The following TERT variants were observed in gnomAD, a reference collection of about 807,000 sequenced individuals.
TERT encodes telomerase catalytic subunit.
In TERT, 42 loss-of-function variants were observed where a neutral mutation model predicts 104.0. That is an observed-to-expected ratio of 0.40 (90% CI 0.32 to 0.52). The LOEUF (loss-of-function observed/expected upper bound fraction) is 0.52, where lower values mean the gene tolerates loss of function less well. TERT is among the 20% of genes least tolerant of loss of function. The probability of loss-of-function intolerance (pLI) is 0.43; values close to 1 mark genes in which losing one functional copy is unlikely to be tolerated. For missense variants in TERT, 1,101 were observed against 1,610.3 expected (o/e 0.68, Z 5.41); for synonymous variants, 781 against 725.6 (o/e 1.08, Z -1.23).
chr5:1,276,376 T>C, intron 6 of TERT, among the ~76,000 whole-genome samples: 1 of 113,020 alleles, frequency 8.8e-6, no homozygotes, highest in African/African-American at 3.7e-5. Flanking sequence ...AATTCACAGA[T>C]CCCCACCTAC....
rs184232586 is a variant in TERT at position 1,287,577 on chromosome 5, C to A, written c.1574-4953G>T. ...GCAGGAAAATACTAATCAAAAGAAG[C>A]CCAGTGTGGCAGTACTAAGAGCAAT... On this transcript the variant is annotated intron_variant, in intron 2 of 15. Transcript: ENST00000310581. This position sits in a 1 kb window ranked among gnomAD's most constrained non-coding sequence, Gnocchi z 4.3. Among the ~76,000 whole-genome samples the A allele has an allele frequency of 1.3e-3, 193 of 150,788 alleles. 2 individuals carry two copies. The highest frequency in any genetic ancestry group is 4.0e-3 in the South Asian group (19 of 4,726).
Position 1,254,222 on chromosome 5 carries a change from G to C in TERT, c.3295+146C>G. ...GGGGACACCAGCGTTTAATCACATA[G>C]GGCTGCCAGCGTGGCTCCAGGCCCC... On this transcript the variant is annotated intron_variant, in intron 15 of 15. Coordinates refer to ENST00000310581, the MANE Select transcript of TERT (RefSeq NM_198253.3). The C allele has an allele frequency of 4.7e-6, 5 of 1,067,214 alleles. No homozygotes were observed. In the South Asian group the frequency reaches 6.9e-5, roughly 15 times the overall value. The allele number at this position is 1,067,214 out of a possible 1,614,324, so 66.1% of individuals were successfully genotyped here. A position where few individuals can be genotyped will look rare whatever the true frequency, so the allele number is the denominator to read the frequency against.
rs1334805756 is a variant in TERT at position 1,286,392 on chromosome 5, G to T, written c.1574-3768C>A. 6.6e-6 allele frequency among the ~76,000 whole-genome samples: 1 copy of T among 152,118 alleles called. No homozygotes were observed. The highest frequency in any genetic ancestry group is 2.4e-5 in the African/African-American group (1 of 41,418). The stretch of plus-strand genomic sequence containing the variant: ...ACAAAGGAGGAAAAGCAGGGCGGGG[G>T]CAAAGCTACAGAAACACTCAACACG... On this transcript the variant is annotated intron_variant, in intron 2 of 15. Transcript: ENST00000310581. This position sits in a 1 kb window ranked among gnomAD's most constrained non-coding sequence, Gnocchi z 5.3.
At chr5:1,279,527 C>A (rs980037523) in intron 4 of TERT, 57 bp from the exon 5 acceptor site, 8 of 1,521,700 alleles carry the variant, frequency 5.3e-6, no homozygotes, top group Non-Finnish European at 6.2e-6. Flanking sequence ...AGTGCCCACC[C>A]CACCATAGGG....
intron 12 of TERT, 119 bp downstream of exon 12, chr5:1,260,355 C>T (rs1748135704): frequency 6.6e-7 from 1 of 1,506,660 alleles, no homozygotes; most frequent in Non-Finnish European, 9.1e-7. Context: ...CGTACATGTG[C>T]ACTCTTACGT....
Position 1,257,107 on chromosome 5 carries a change from G to A in TERT, c.3032+1491C>T, listed in dbSNP as rs753910458. Among the ~76,000 whole-genome samples, 2 of 152,082 alleles carry A rather than the reference G, an allele frequency of 1.3e-5. No homozygotes were observed. The highest frequency in any genetic ancestry group is 1.9e-4 in the East Asian group (1 of 5,172). On this transcript the variant is annotated intron_variant, in intron 13 of 15. Coordinates refer to ENST00000310581, the MANE Select transcript of TERT (RefSeq NM_198253.3). The surrounding 1 kb of genome is among the most constrained non-coding windows in gnomAD (Gnocchi z 5.6). ...AACGGCCCGTGGCCCATCGCATCTCGGCCTCCTCAGGGCTACCCAATCAAG... is the reference window on the plus strand; with the variant it reads ...AACGGCCCGTGGCCCATCGCATCTCAGCCTCCTCAGGGCTACCCAATCAAG...
intron 7 of TERT, 137 bp downstream of exon 7, chr5:1,272,048 A>G: frequency 1.2e-6 from 1 of 800,282 alleles, no homozygotes. Context: ...CACACAGCTC[A>G]TCATGCCCCC....
At chr5:1,279,022 C>T (rs1332790954) in intron 5 of TERT, among the ~76,000 whole-genome samples, 3 of 152,234 alleles carry the variant, frequency 2.0e-5, no homozygotes, top group South Asian at 2.1e-4. Context: ...TGAGCCGTTG[C>T]GGTTCCTTCT....
At position 1,262,961 on chromosome 5, in the gene TERT, G is replaced by A. The variant is rs1748334965; in HGVS notation, c.2843+1443C>T. On this transcript the variant is annotated intron_variant, in intron 11 of 15. Coordinates refer to ENST00000310581, the MANE Select transcript of TERT (RefSeq NM_198253.3). The surrounding 1 kb of genome is among the most constrained non-coding windows in gnomAD (Gnocchi z 5.6). The stretch of plus-strand genomic sequence containing the variant: ...ATGCAGACAAAGCCAGTGGAGGCCA[G>A]GACCAGGTAAGGCTGTGAGAGGGAA... Among the ~76,000 whole-genome samples, 1 of 152,230 alleles carries A rather than the reference G, an allele frequency of 6.6e-6. No homozygotes were observed. Among genetic ancestry groups the A allele is most frequent in the South Asian group, 2.1e-4 (1 of 4,830 alleles).
chr5:1,258,530 G>A (rs1021448272), intron 13 of TERT, 68 bp downstream of exon 13: 23 of 1,423,506 alleles, frequency 1.6e-5, no homozygotes, highest in East Asian at 7.4e-5. Context: ...GTGAAGCCCC[G>A]GGTCAGAGGT....
chr5:1,253,712 T>C lies in TERT; in HGVS notation c.*16A>G. The C allele has an allele frequency of 1.2e-6, 2 of 1,601,236 alleles. No homozygotes were observed. The highest frequency in any genetic ancestry group is 1.7e-6 in the Non-Finnish European group (2 of 1,172,892). ...TGCTGGTGTCTGCTCTCGGCCTGGC[T>C]GTGGGCGGGTGGCCATCAGTCCAGG... On this transcript the variant is annotated 3_prime_UTR_variant, in exon 16 of 16. Coordinates refer to ENST00000310581, the MANE Select transcript of TERT (RefSeq NM_198253.3).
rs1060504797 is a variant in TERT at position 1,294,978 on chromosome 5, A to G, written c.12T>C (p.Ala4=). The change falls in exon 1 of 16, where the codon GCT becomes GCC. Residue 4 remains alanine (A), a synonymous_variant. Transcript: ENST00000310581. MPR[A]PRCRAVRSLL... ...GGGAGCGCACGGCTCGGCAGCGGGG[A>G]GCGCGCGGCATCGCGGGGGTGGCCG... 2.8e-5 allele frequency: 37 copies of G among 1,324,526 alleles called. No homozygotes were observed. Among genetic ancestry groups the G allele is most frequent in the Non-Finnish European group, 3.3e-5 (34 of 1,045,002 alleles). 82.0% of individuals were successfully genotyped at this position (1,324,526 alleles called of 1,614,324 possible). A position where few individuals can be genotyped will look rare whatever the true frequency, so the allele number is the denominator to read the frequency against.
intron 2 of TERT, among the ~76,000 whole-genome samples, chr5:1,289,250 A>T: frequency 7.1e-6 from 1 of 140,354 alleles, no homozygotes; most frequent in Non-Finnish European, 1.5e-5. Flanking sequence ...ACACCCGGGG[A>T]TGGCGCCTCA....
In TERT at chr5:1,274,349, C is replaced by T. The variant is rs770878097; in HGVS notation, c.2287-2069G>A. 3.9e-5 allele frequency among the ~76,000 whole-genome samples: 6 copies of T among 152,194 alleles called. No homozygotes were observed. Among genetic ancestry groups the T allele is most frequent in the South Asian group, 2.1e-4 (1 of 4,828 alleles). On this transcript the variant is annotated intron_variant, in intron 6 of 15. Transcript: ENST00000310581. This position sits in a 1 kb window ranked among gnomAD's most constrained non-coding sequence, Gnocchi z 5.3. ...GTCGGCGGAAAGCATCACAGAAATCCGTAATTATTCTGGACTCAACACAGA... is the reference window on the plus strand; with the variant it reads ...GTCGGCGGAAAGCATCACAGAAATCTGTAATTATTCTGGACTCAACACAGA...
intron 2 of TERT, among the ~76,000 whole-genome samples, chr5:1,289,749 C>G (rs185637203): frequency 2.0e-5 from 2 of 101,896 alleles, no homozygotes; most frequent in Non-Finnish European, 3.8e-5. Flanking sequence ...CAGGGACACC[C>G]GGGGACAGTG....
In TERT at chr5:1,287,724, C is replaced by T. The variant is rs1248478812; in HGVS notation, c.1574-5100G>A. Reference sequence around the variant, plus strand: ...AATGCCTCACATAAATGCTACCAAACGAGAAGAAATGAACAGACCCATCCC... The same window carrying T: ...AATGCCTCACATAAATGCTACCAAATGAGAAGAAATGAACAGACCCATCCC... On this transcript the variant is annotated intron_variant, in intron 2 of 15. Coordinates refer to ENST00000310581, the MANE Select transcript of TERT (RefSeq NM_198253.3). This position sits in a 1 kb window ranked among gnomAD's most constrained non-coding sequence, Gnocchi z 4.3. 1.3e-5 allele frequency among the ~76,000 whole-genome samples: 2 copies of T among 151,948 alleles called. No homozygotes were observed. The highest frequency in any genetic ancestry group is 4.8e-5 in the African/African-American group (2 of 41,354).
rs1285694037 is a variant in TERT, at chr5:1,286,176, A to G, written c.1574-3552T>C. On this transcript the variant is annotated intron_variant, in intron 2 of 15. Coordinates refer to ENST00000310581, the MANE Select transcript of TERT (RefSeq NM_198253.3). This position sits in a 1 kb window ranked among gnomAD's most constrained non-coding sequence, Gnocchi z 5.3. ...CTCCAGACACTCACGGGCCAAGATGACCGCCCTCCTCGTGAGTCTCCACAT... is the reference window on the plus strand; with the variant it reads ...CTCCAGACACTCACGGGCCAAGATGGCCGCCCTCCTCGTGAGTCTCCACAT... 3.3e-5 allele frequency among the ~76,000 whole-genome samples: 5 copies of G among 152,032 alleles called. No homozygotes were observed. Among genetic ancestry groups the G allele is most frequent in the Non-Finnish European group, 5.9e-5 (4 of 68,008 alleles).
Position 1,278,579 on chromosome 5 carries a change from C to T in TERT, c.2286+62G>A, listed in dbSNP as rs1749776581. On this transcript the variant is annotated intron_variant, in intron 6 of 15. Coordinates refer to ENST00000310581, the MANE Select transcript of TERT (RefSeq NM_198253.3). ...AACGCATCACAGACACGACTGCATT[C>T]TAGACACATTCATATCCCAGAGACA... 3 of 1,610,210 alleles carry T rather than the reference C, an allele frequency of 1.9e-6. No homozygotes were observed. The African/African-American group carries it at 4.0e-5, about 21-fold the overall frequency.
rs1386157567 is a variant in TERT, at chr5:1,253,685, G to C, written c.*43C>G. The C allele has an allele frequency of 6.5e-7, 1 of 1,544,132 alleles. No homozygotes were observed. The highest frequency in any genetic ancestry group is 1.2e-5 in the South Asian group (1 of 86,716). Reference sequence around the variant, plus strand: ...GGGACGTAGAGCCCGGCGTGACAGGGCTGCTGGTGTCTGCTCTCGGCCTGG... The same window carrying C: ...GGGACGTAGAGCCCGGCGTGACAGGCCTGCTGGTGTCTGCTCTCGGCCTGG... On this transcript the variant is annotated 3_prime_UTR_variant, in exon 16 of 16. Coordinates refer to ENST00000310581, the MANE Select transcript of TERT (RefSeq NM_198253.3).
Sources: gnomAD v4.1 joint callset for allele counts (sites outside exome capture counted in the v4.1 genomes callset) on GRCh38, gnomAD v4.1.1 for gene constraint, Gnocchi (gnomAD v3.1) non-coding constraint, MANE v1.5 for transcripts, NCBI Gene and HGNC (gene_info 2026-07-23, HGNC 2026-07-21) for gene names.